ADAMTSL1: variants seen among roughly 807,000 people sequenced by gnomAD.
ADAMTSL1 encodes the protein ADAMTS like 1.
Under a neutral mutation model 201.8 loss-of-function variants are expected in ADAMTSL1, and 126 were observed. That is an observed-to-expected ratio of 0.62 (90% CI 0.54 to 0.72). The LOEUF is 0.72. Ranked by LOEUF, ADAMTSL1 falls within the 30% of genes least tolerant of loss-of-function variation. The pLI is 0.00. For missense variants in ADAMTSL1, 2,679 were observed against 2,277.8 expected, an observed-to-expected ratio of 1.18 and a Z score of -3.59; for synonymous variants, 1,121 against 903.4, an observed-to-expected ratio of 1.24 and a Z score of -4.32.
intron 2 of ADAMTSL1, among the ~76,000 whole-genome samples, chr9:18,447,433 A>T (rs1347803578): frequency 1.3e-5 from 2 of 152,274 alleles, no homozygotes; most frequent in African/African-American, 2.4e-5. Context: ...TACTCATTGA[A>T]ATAATGGGGA....
At chr9:17,948,668 A>G (rs114652802) in intron 1 of ADAMTSL1, among the ~76,000 whole-genome samples, 121 of 152,340 alleles carry the variant, frequency 7.9e-4, no homozygotes, top group African/African-American at 2.8e-3. Flanking sequence ...ATGCTAATAG[A>G]TAAGTCCATG....
chr9:18,174,292 A>G (rs1403430098), intron 2 of ADAMTSL1, among the ~76,000 whole-genome samples: 2 of 152,166 alleles, frequency 1.3e-5, no homozygotes, highest in South Asian at 2.1e-4. Flanking sequence ...CCTATCCTAA[A>G]TAGACCATGT....
chr9:18,735,738 A>ATCCTTTTT (rs1818460522), intron 15 of ADAMTSL1, among the ~76,000 whole-genome samples: 1 of 92,248 alleles, frequency 1.1e-5, no homozygotes, highest in Non-Finnish European at 2.1e-5. Flanking sequence ...GTCAGACGGC[A>ATCCTTTTT]TTCTTTTTTC....
intron 1 of ADAMTSL1, among the ~76,000 whole-genome samples, chr9:18,148,321 C>G (rs1238232856): frequency 6.8e-6 from 1 of 146,480 alleles, no homozygotes; most frequent in Non-Finnish European, 1.5e-5. Flanking sequence ...ATTCAGTCAC[C>G]TACACTTCAG....
intron 2 of ADAMTSL1, among the ~76,000 whole-genome samples, chr9:18,424,133 G>T (rs1431101917): frequency 6.6e-6 from 1 of 152,196 alleles, no homozygotes; most frequent in African/African-American, 2.4e-5. Context: ...CCCTCTGTCT[G>T]GGATATTTTA....
intron 2 of ADAMTSL1, among the ~76,000 whole-genome samples, chr9:18,356,592 A>C (rs1264230759): frequency 1.0e-4 from 12 of 119,674 alleles, no homozygotes; most frequent in African/African-American, 3.8e-4. Flanking sequence ...GCAGCTACTC[A>C]ATACACAATA....
chr9:18,186,995 T>A (rs1392636329), intron 2 of ADAMTSL1, among the ~76,000 whole-genome samples: 1 of 152,142 alleles, frequency 6.6e-6, no homozygotes, highest in Non-Finnish European at 1.5e-5. Context: ...CATGTCTAAC[T>A]CTGGAATACT....
chr9:18,710,660 AGTTTTGTTTT>A (rs1379384216), intron 14 of ADAMTSL1, among the ~76,000 whole-genome samples: 9 of 58,162 alleles, frequency 1.5e-4, no homozygotes, highest in African/African-American at 4.7e-4. Flanking sequence ...GAAGGGCCTA[AGTTTTGTTTT>A]GTTTTTTTTT....
chr9:18,697,607 CTTA>C (rs1222141260), intron 13 of ADAMTSL1, among the ~76,000 whole-genome samples: 14 of 152,126 alleles, frequency 9.2e-5, no homozygotes, highest in African/African-American at 3.1e-4. Flanking sequence ...GTAATGTTCA[CTTA>C]TTATTGCTAT....
intron 23 of ADAMTSL1, among the ~76,000 whole-genome samples, chr9:18,863,825 A>C (rs184848827): frequency 6.6e-6 from 1 of 152,258 alleles, no homozygotes; most frequent in African/African-American, 2.4e-5. Context: ...ACCACATACC[A>C]CGAGCAAAAT....
In ADAMTSL1 at chr9:18,613,542, A is replaced by G. The variant is rs143992637; in HGVS notation, c.475-8701A>G. Among the ~76,000 whole-genome samples, 248 of 152,348 alleles carry G rather than the reference A, an allele frequency of 1.6e-3. 1 individual carries two copies. The highest frequency in any genetic ancestry group is 5.8e-3 in the African/African-American group (240 of 41,574). On this transcript the variant is annotated intron_variant, in intron 4 of 28. Transcript: ENST00000380548. Reference sequence around the variant, plus strand: ...GAATATTATGCAGCCACAAAAAAGAATGAGATTATGTCCTTTGCAGGGACA... The same window carrying G: ...GAATATTATGCAGCCACAAAAAAGAGTGAGATTATGTCCTTTGCAGGGACA...
At chr9:18,269,089 T>C (rs1832252564) in intron 2 of ADAMTSL1, among the ~76,000 whole-genome samples, 1 of 152,132 alleles carries the variant, frequency 6.6e-6, no homozygotes, top group East Asian at 1.9e-4. Context: ...GAAAACCAGA[T>C]ATATGTTAAT....
chr9:18,719,962 C>T (rs1027132305), intron 14 of ADAMTSL1, among the ~76,000 whole-genome samples: 27 of 152,294 alleles, frequency 1.8e-4, no homozygotes, highest in African/African-American at 6.5e-4. Flanking sequence ...TTGCTAATTA[C>T]ATGGATAGTC....
intron 3 of ADAMTSL1, among the ~76,000 whole-genome samples, chr9:18,536,655 T>C (rs1319101282): frequency 6.6e-6 from 1 of 152,226 alleles, no homozygotes; most frequent in African/African-American, 2.4e-5. Flanking sequence ...TTTCCCATTT[T>C]ACAGTTCCCT....
chr9:18,102,426 A>G (rs1309389470), intron 1 of ADAMTSL1, among the ~76,000 whole-genome samples: 2 of 152,240 alleles, frequency 1.3e-5, no homozygotes, highest in African/African-American at 2.4e-5. Context: ...CTTATGAATT[A>G]TATACAAATA....
Position 18,850,111 on chromosome 9 carries a change from C to T in ADAMTSL1, c.4249+20134C>T, listed in dbSNP as rs17233268. Among the ~76,000 whole-genome samples the T allele has an allele frequency of 6.6e-3, 1,002 of 152,286 alleles. 2 individuals are homozygous for T. The highest frequency in any genetic ancestry group is 0.01 in the Admixed American group (159 of 15,304). On this transcript the variant is annotated intron_variant, in intron 23 of 28. Coordinates refer to ENST00000380548, the MANE Select transcript of ADAMTSL1 (RefSeq NM_001040272.6). Reference sequence around the variant, plus strand: ...GCCTAGCCACTGTTCTAAGCCATAGCGAGCACCCAGGCATGGGCTTATTTA... The same window carrying T: ...GCCTAGCCACTGTTCTAAGCCATAGTGAGCACCCAGGCATGGGCTTATTTA...
At chr9:18,197,725 G>C (rs1251686342) in intron 2 of ADAMTSL1, among the ~76,000 whole-genome samples, 1 of 151,382 alleles carries the variant, frequency 6.6e-6, no homozygotes, top group Non-Finnish European at 1.5e-5. Context: ...TGTTGAATAG[G>C]AGTGGTGAGA....
intron 2 of ADAMTSL1, among the ~76,000 whole-genome samples, chr9:18,400,860 A>T (rs1423620599): frequency 2.0e-5 from 3 of 152,180 alleles, no homozygotes; most frequent in Non-Finnish European, 4.4e-5. Flanking sequence ...TATAGTGCGT[A>T]GTAGGAGTAT....
rs1360031811 is a variant in ADAMTSL1 at position 18,776,954 on chromosome 9, A to G, written c.2725A>G (p.Ile909Val). 2.5e-6 allele frequency: 4 copies of G among 1,598,758 alleles called. No individual in the cohort carries two copies. In the African/African-American group the frequency reaches 5.4e-5, roughly 21 times the overall value. Reference sequence around the variant, plus strand: ...GGCGCGCAGGGTCCGCAAGCCCCTCATCACCTGGGAGAAGGACGGCCAGCA... The same window carrying G: ...GGCGCGCAGGGTCCGCAAGCCCCTCGTCACCTGGGAGAAGGACGGCCAGCA... ...CPARRVRKPL[I>V]TWEKDGQHLI... Residue 909 changes from isoleucine (I) to valine (V), a missense_variant, in exon 19 of 29, where the codon ATC becomes GTC. Transcript: ENST00000380548.
Sources: allele counts gnomAD v4.1 joint callset (sites outside exome capture counted in the v4.1 genomes callset), GRCh38; gene constraint gnomAD v4.1.1; transcripts MANE v1.5; gene names NCBI Gene and HGNC (gene_info 2026-07-23, HGNC 2026-07-21).